MEGF9: variants seen among roughly 807,000 people sequenced by gnomAD.
MEGF9 encodes multiple epidermal growth factor-like domains protein 9.
MEGF9 carries 6 observed loss-of-function variants against 46.8 expected under a neutral mutation model. The observed-to-expected ratio is 0.13, with a 90% confidence interval of 0.07 to 0.25. The LOEUF is 0.25. Among genes scored for constraint, MEGF9 ranks in the 10% least tolerant of loss-of-function variants. The pLI is 1.00. For missense variants in MEGF9, 683 were observed against 792.4 expected (o/e 0.86, Z 1.66); for synonymous variants, 302 against 330.7 (o/e 0.91, Z 0.94).
At chr9:120,638,046 G>A (rs1213369790) in intron 2 of MEGF9, among the ~76,000 whole-genome samples, 1 of 151,804 alleles carries the variant, frequency 6.6e-6, no homozygotes, top group Non-Finnish European at 1.5e-5. Context: ...AGACTGAAGT[G>A]CAGTGATGCG....
At chr9:120,685,038 G>C (rs920800887) in intron 1 of MEGF9, among the ~76,000 whole-genome samples, 7 of 152,120 alleles carry the variant, frequency 4.6e-5, no homozygotes, top group African/African-American at 1.7e-4. Context: ...ATTTCACCGT[G>C]TTAGCCAGGA....
chr9:120,714,462 C>T lies in MEGF9; in HGVS notation c.-104G>A, dbSNP rs946054191. 1 of 1,040,496 alleles carries T rather than the reference C, an allele frequency of 9.6e-7. No individual in the cohort carries two copies. Among genetic ancestry groups the T allele is most frequent in the East Asian group, 3.6e-5 (1 of 27,640 alleles). 64.5% of individuals were successfully genotyped at this position (1,040,496 alleles called of 1,614,324 possible). On this transcript the variant is annotated 5_prime_UTR_variant, in exon 1 of 6. It adds an upstream start codon to the 5' untranslated region. Transcript: ENST00000373930. ...ACCGCCACCGGGCGCACCATCGCCA[C>T]CTCCCTCTGACAGGCGGCCGGCCCC...
intron 1 of MEGF9, among the ~76,000 whole-genome samples, chr9:120,679,563 T>C (rs1346355027): frequency 1.3e-5 from 2 of 151,984 alleles, no homozygotes; most frequent in Non-Finnish European, 2.9e-5. Context: ...ACATGGCACA[T>C]GTATACATAT....
At chr9:120,661,452 G>C (rs1248229088) in intron 1 of MEGF9, among the ~76,000 whole-genome samples, 1 of 152,242 alleles carries the variant, frequency 6.6e-6, no homozygotes, top group Non-Finnish European at 1.5e-5. Context: ...GGGAGGCTGA[G>C]GTTACAGTGA....
intron 2 of MEGF9, among the ~76,000 whole-genome samples, chr9:120,640,143 T>A (rs1564418208): frequency 6.6e-6 from 1 of 152,218 alleles, no homozygotes; most frequent in Non-Finnish European, 1.5e-5. Flanking sequence ...ATTCTGGATA[T>A]CTGTGTATAT....
chr9:120,637,736 A>G (rs2043584460), intron 2 of MEGF9, among the ~76,000 whole-genome samples: 1 of 130,054 alleles, frequency 7.7e-6, no homozygotes, highest in African/African-American at 2.8e-5. Flanking sequence ...AGTTGCAGTG[A>G]GCCGAGATCG....
Position 120,607,916 on chromosome 9 carries a change from G to A in MEGF9, c.1182C>T (p.Asp394=), listed in dbSNP as rs1348426162. 1 of 1,613,952 alleles carries A rather than the reference G, an allele frequency of 6.2e-7. No homozygotes were observed. The highest frequency in any genetic ancestry group is 8.5e-7 in the Non-Finnish European group (1 of 1,179,882). Residue 394 remains aspartate, a synonymous_variant, in exon 5 of 6, where the codon GAC becomes GAT. Transcript: ENST00000373930. ...NKCENGYYNF[D]SICRKCQCHG... ...GACATTGGCACTTTCTACAGATGCT[G>A]TCAAAATTGTAATAGCCATTTTCAC... is the stretch of plus-strand genomic sequence containing the variant.
intron 2 of MEGF9, among the ~76,000 whole-genome samples, chr9:120,646,193 A>G (rs1225885846): frequency 6.6e-6 from 1 of 152,040 alleles, no homozygotes; most frequent in African/African-American, 2.4e-5. Flanking sequence ...TATTCTCCCC[A>G]TTCTCACTAA....
chr9:120,704,635 G>A (rs181873756), intron 1 of MEGF9, among the ~76,000 whole-genome samples: 1 of 152,148 alleles, frequency 6.6e-6, no homozygotes, highest in East Asian at 1.9e-4. Context: ...AACCTATAAA[G>A]GTTTGATCAA....
intron 2 of MEGF9, among the ~76,000 whole-genome samples, chr9:120,648,737 A>G (rs1479092449): frequency 6.6e-6 from 1 of 152,244 alleles, no homozygotes; most frequent in Non-Finnish European, 1.5e-5. Flanking sequence ...CCAGAAGTAT[A>G]GGCAAAGTAG....
At chr9:120,666,769 G>A (rs952220129) in intron 1 of MEGF9, among the ~76,000 whole-genome samples, 12 of 152,096 alleles carry the variant, frequency 7.9e-5, no homozygotes, top group Non-Finnish European at 1.8e-4. Context: ...ACTAGTGAAT[G>A]GATACACTAT....
At chr9:120,642,180 T>G (rs2043606046) in intron 2 of MEGF9, among the ~76,000 whole-genome samples, 1 of 152,254 alleles carries the variant, frequency 6.6e-6, no homozygotes, top group Admixed American at 6.5e-5. Flanking sequence ...TGATTCTGTA[T>G]GTATACTCTT....
intron 3 of MEGF9, among the ~76,000 whole-genome samples, chr9:120,614,067 G>C (rs1427696753): frequency 4.6e-5 from 7 of 151,042 alleles, no homozygotes; most frequent in African/African-American, 1.2e-4. Context: ...GCTCAGGCTA[G>C]AGTGCAGTGG....
chr9:120,696,950 G>A (rs1244188741), intron 1 of MEGF9, among the ~76,000 whole-genome samples: 1 of 152,194 alleles, frequency 6.6e-6, no homozygotes, highest in African/African-American at 2.4e-5. Flanking sequence ...TTGAATAACA[G>A]CTGCTCCTTT....
At chr9:120,676,326 TC>T (rs2043773169) in intron 1 of MEGF9, among the ~76,000 whole-genome samples, 1 of 152,224 alleles carries the variant, frequency 6.6e-6, no homozygotes, top group South Asian at 2.1e-4. Context: ...TATTCAGTCT[TC>T]TTTTATATCA....
intron 1 of MEGF9, among the ~76,000 whole-genome samples, chr9:120,697,372 C>T (rs890179398): frequency 2.0e-5 from 3 of 151,908 alleles, no homozygotes; most frequent in Admixed American, 1.3e-4. Context: ...CGTGAGCTAC[C>T]GCGCCCAGTC....
chr9:120,713,643 G>A, intron 1 of MEGF9, 115 bp downstream of exon 1: 5 of 1,228,268 alleles, frequency 4.1e-6, no homozygotes, highest in Non-Finnish European at 5.1e-6. Flanking sequence ...CTCGGGAGCC[G>A]GAACCTGGGG....
chr9:120,622,829 G>C (rs1365721696), intron 2 of MEGF9, 74 bp from the exon 3 acceptor site: 2 of 1,483,316 alleles, frequency 1.3e-6, no homozygotes, highest in African/African-American at 2.8e-5. Flanking sequence ...CCCCAGAAGG[G>C]AAAGAAAGCC....
At position 120,603,755 on chromosome 9, in the gene MEGF9, A is replaced by G. The variant is rs2043407744; in HGVS notation, c.*1435T>C. 6.6e-6 allele frequency: 1 copy of G among 152,540 alleles called. No individual in the cohort carries two copies. Among genetic ancestry groups the G allele is most frequent in the Non-Finnish European group, 1.5e-5 (1 of 68,036 alleles). 9.4% of individuals were successfully genotyped at this position (152,540 alleles called of 1,614,324 possible). On this transcript the variant is annotated 3_prime_UTR_variant, in exon 6 of 6. Transcript: ENST00000373930. ...CCATCAAAAAGCAAGAACTAACTAG[A>G]CACACCCATCTACAAAGCTGCTCAT...
Sources: allele counts gnomAD v4.1 joint callset (sites outside exome capture counted in the v4.1 genomes callset), GRCh38; gene constraint gnomAD v4.1.1; transcripts MANE v1.5; gene names NCBI Gene and HGNC (gene_info 2026-07-23, HGNC 2026-07-21).